The following MPRIP variants were observed in gnomAD, a reference collection of about 807,000 sequenced individuals.
MPRIP encodes the protein myosin phosphatase Rho interacting protein, also known as myosin phosphatase Rho-interacting protein.
Under a neutral mutation model 234.9 loss-of-function variants are expected in MPRIP, and 59 were observed. That is an observed-to-expected ratio of 0.25 (90% CI 0.20 to 0.31). The LOEUF (loss-of-function observed/expected upper bound fraction) is 0.31, where lower values mean the gene tolerates loss of function less well. Ranked by LOEUF, MPRIP falls within the 10% of genes least tolerant of loss-of-function variation. The pLI is 1.00. For synonymous variants in MPRIP, 1,144 were observed against 1,263.9 expected, an observed-to-expected ratio of 0.91 and a Z score of 2.01; for missense variants, 2,436 against 3,071.0, an observed-to-expected ratio of 0.79 and a Z score of 4.89.
rs1292962506 is a variant in MPRIP at position 17,158,659 on chromosome 17, C to A, written c.2057C>A (p.Thr686Asn). The A allele has an allele frequency of 6.2e-7, 1 of 1,604,286 alleles. No individual in the cohort carries two copies. The highest frequency in any genetic ancestry group is 1.1e-5 in the South Asian group (1 of 90,520). The change falls in exon 14 of 24, where the codon ACC (threonine) becomes AAC (asparagine). Residue 686 changes from threonine (T) to asparagine (N), a missense_variant. Physicochemically the swap from Thr to Asn is moderately conservative, Grantham distance 65. This residue lies in a region of MPRIP where 1,998 missense variants were observed against 2,520.3 expected (regional missense o/e 0.79). Transcript: ENST00000651222. ...ERVGGVGPAD[T>N]HEPLRPEAEP... ...GTGGGCGGCGTGGGGCCTGCTGACACCCACGAGCCCCTGCGCCCTGAGGCG... is the reference window on the plus strand; with the variant it reads ...GTGGGCGGCGTGGGGCCTGCTGACAACCACGAGCCCCTGCGCCCTGAGGCG...
At position 17,166,683 on chromosome 17, in the gene MPRIP, C is replaced by G; in HGVS notation, c.5092C>G (p.Gln1698Glu). 7.7e-7 allele frequency: 1 copy of G among 1,303,844 alleles called. No homozygotes were observed. The highest frequency in any genetic ancestry group is 1.2e-5 in the South Asian group (1 of 80,986). The allele number at this position is 1,303,844 out of a possible 1,614,324, so 80.8% of individuals were successfully genotyped here. A position where few individuals can be genotyped will look rare whatever the true frequency, so the allele number is the denominator to read the frequency against. ...CATCCAGGAGACCCTGCGGGGCACC[C>G]AGACGGCCCTGCGGCAGCACAAATG... is the stretch of plus-strand genomic sequence containing the variant. ...QSIQETLRGT[Q>E]TALRQHKCLL... The change falls in exon 16 of 24, where the codon CAG becomes GAG. Residue 1698 changes from glutamine to glutamate, a missense_variant. By Grantham distance (29) the Gln-to-Glu change is conservative. Transcript: ENST00000651222. The surrounding 1 kb of genome is among the most constrained non-coding windows in gnomAD (Gnocchi z 4.4).
chr17:17,176,403 C>T (rs889166010), intron 20 of MPRIP, 23 bp from the exon 21 acceptor site: 1 of 1,586,864 alleles, frequency 6.3e-7, no homozygotes, highest in Non-Finnish European at 8.7e-7. Context: ...GAATATTGGT[C>T]CCTGATCTCT....
In MPRIP at chr17:17,088,182, G is replaced by A. The variant is rs62064384; in HGVS notation, c.267+10106G>A. On this transcript the variant is annotated intron_variant, in intron 3 of 23. Transcript: ENST00000651222. ...AGTGATGGAAGGTGATGGGAGCGGC[G>A]AGAGCTGTCGTGAGGGTAAAGGGGT... Among the ~76,000 whole-genome samples, 389 of 152,338 alleles carry A rather than the reference G, an allele frequency of 2.6e-3. 1 individual carries two copies. The highest frequency in any genetic ancestry group is 6.8e-3 in the Middle Eastern group (2 of 294).
At position 17,046,303 on chromosome 17, in the gene MPRIP, G is replaced by A. The variant is rs142049914; in HGVS notation, c.123+3332G>A. Among the ~76,000 whole-genome samples, 462 of 152,268 alleles carry A rather than the reference G, an allele frequency of 3.0e-3. 14 individuals are homozygous for A. Among genetic ancestry groups the A allele is most frequent in the Admixed American group, 0.027 (412 of 15,290 alleles). On this transcript the variant is annotated intron_variant, in intron 1 of 23. Coordinates refer to ENST00000651222, the MANE Select transcript of MPRIP (RefSeq NM_001364716.4). ...CGTTTCCTTATTGATAGACATCAAG[G>A]TTGCTTATGGGTTTTGCTGTTACAT... is the stretch of plus-strand genomic sequence containing the variant.
intron 3 of MPRIP, among the ~76,000 whole-genome samples, chr17:17,120,290 A>G (rs992539798): frequency 6.6e-6 from 1 of 152,104 alleles, no homozygotes; most frequent in Non-Finnish European, 1.5e-5. Context: ...AACAAGAAAC[A>G]AAGGCCTGTT....
At chr17:17,075,610 A>G (rs1028848313) in intron 1 of MPRIP, 100 bp from the exon 2 acceptor site, 1 of 998,134 alleles carries the variant, frequency 1.0e-6, no homozygotes, top group Non-Finnish European at 1.6e-6. Flanking sequence ...TGCAGAGCAG[A>G]GGCAACATCT....
At chr17:17,173,223 C>G (rs1277520360) in intron 18 of MPRIP, among the ~76,000 whole-genome samples, 2 of 152,278 alleles carry the variant, frequency 1.3e-5, no homozygotes, top group African/African-American at 4.8e-5. Context: ...TCCCTCTGCA[C>G]AGGCAGGATA....
At chr17:17,113,611 G>A (rs1369505730) in intron 3 of MPRIP, among the ~76,000 whole-genome samples, 1 of 152,206 alleles carries the variant, frequency 6.6e-6, no homozygotes, top group Non-Finnish European at 1.5e-5. Context: ...GTACGTGGGT[G>A]TACAAATATC....
At chr17:17,161,710 T>G (rs1234211028) in intron 15 of MPRIP, among the ~76,000 whole-genome samples, 3 of 152,248 alleles carry the variant, frequency 2.0e-5, no homozygotes, top group Non-Finnish European at 4.4e-5. Context: ...TAGTTTTCAC[T>G]ATAGTAATAT....
Position 17,158,815 on chromosome 17 carries a change from C to T in MPRIP, c.2213C>T (p.Pro738Leu). The T allele has an allele frequency of 2.5e-6, 4 of 1,611,654 alleles. No homozygotes were observed. The highest frequency in any genetic ancestry group is 3.4e-6 in the Non-Finnish European group (4 of 1,179,920). ...AALRMEVDRS[P>L]GLPMSDLKTH... The stretch of plus-strand genomic sequence containing the variant: ...CTGCGCATGGAGGTGGACCGGAGCC[C>T]AGGGCTGCCTATGAGCGACCTCAAA... Residue 738 changes from proline to leucine, a missense_variant, in exon 14 of 24, where the codon CCA becomes CTA. Pro to Leu is a moderately conservative substitution (Grantham distance 98). This residue lies in a region of MPRIP where 1,998 missense variants were observed against 2,520.3 expected (regional missense o/e 0.79). Transcript: ENST00000651222.
At chr17:17,072,111 G>A (rs1234796658) in intron 1 of MPRIP, among the ~76,000 whole-genome samples, 4 of 152,188 alleles carry the variant, frequency 2.6e-5, no homozygotes, top group East Asian at 1.9e-4. Flanking sequence ...CCAGGTGGGC[G>A]TGCGTGGGAG....
intron 3 of MPRIP, among the ~76,000 whole-genome samples, chr17:17,099,080 CTTCTT>C (rs201709631): frequency 0.017 from 2,634 of 152,232 alleles, 41 homozygotes; most frequent in Non-Finnish European, 0.027. Context: ...GTGCAAAAGG[CTTCTT>C]TTCTTTCATT....
chr17:17,154,466 C>T, intron 13 of MPRIP, 51 bp downstream of exon 13: 1 of 1,511,094 alleles, frequency 6.6e-7, no homozygotes, highest in East Asian at 2.3e-5. Flanking sequence ...GTGGGTGCCA[C>T]TCCCGCCAGG....
intron 13 of MPRIP, among the ~76,000 whole-genome samples, chr17:17,158,004 A>C (rs1173026869): frequency 6.6e-6 from 1 of 152,084 alleles, no homozygotes; most frequent in Non-Finnish European, 1.5e-5. Flanking sequence ...AGCCTAATGT[A>C]GTTCTTGGCC....
In MPRIP at chr17:17,056,145, C is replaced by T. The variant is rs7211554; in HGVS notation, c.123+13174C>T. Among the ~76,000 whole-genome samples, 277 of 152,286 alleles carry T rather than the reference C, an allele frequency of 1.8e-3. 1 individual carries two copies. The highest frequency in any genetic ancestry group is 6.2e-3 in the African/African-American group (258 of 41,560). On this transcript the variant is annotated intron_variant, in intron 1 of 23. Transcript: ENST00000651222. ...GCGGGGCTGACCACCTTGGCATGTG[C>T]GGGGAAGGGTGGGGCTGACCTCATT... is the stretch of plus-strand genomic sequence containing the variant.
At chr17:17,083,066 C>G (rs1224927745) in intron 3 of MPRIP, among the ~76,000 whole-genome samples, 1 of 152,198 alleles carries the variant, frequency 6.6e-6, no homozygotes, top group African/African-American at 2.4e-5. Flanking sequence ...GGGCCGGCCT[C>G]CATGGTGTGG....
At position 17,142,833 on chromosome 17, in the gene MPRIP, C is replaced by T. The variant is rs1209002349; in HGVS notation, c.1389+68C>T. On this transcript the variant is annotated intron_variant, in intron 8 of 23. Transcript: ENST00000651222. ...GGCGGGTCAGCATGCACCCCATGCGCCAAGTCCCCTCCACACAGGCCTGGG... is the reference window on the plus strand; with the variant it reads ...GGCGGGTCAGCATGCACCCCATGCGTCAAGTCCCCTCCACACAGGCCTGGG... 4 of 1,548,820 alleles carry T rather than the reference C, an allele frequency of 2.6e-6. No homozygotes were observed. In the East Asian group the frequency reaches 9.0e-5, roughly 35 times the overall value.
At chr17:17,107,928 G>A (rs1403139696) in intron 3 of MPRIP, among the ~76,000 whole-genome samples, 2 of 152,180 alleles carry the variant, frequency 1.3e-5, no homozygotes, top group Admixed American at 6.5e-5. Flanking sequence ...CCCGCTTAGG[G>A]CCAGGGCTGC....
intron 7 of MPRIP, 75 bp from the exon 8 acceptor site, chr17:17,142,552 A>G: frequency 6.5e-7 from 1 of 1,548,082 alleles, no homozygotes; most frequent in Non-Finnish European, 8.8e-7. Context: ...CAGGCCGGGC[A>G]TGGGAGGAGT....
Sources: allele counts gnomAD v4.1 joint callset (sites outside exome capture counted in the v4.1 genomes callset), GRCh38; gene constraint gnomAD v4.1.1; regional missense constraint gnomAD v4.1.1; non-coding constraint Gnocchi (gnomAD v3.1); transcripts MANE v1.5; gene names NCBI Gene and HGNC (gene_info 2026-07-23, HGNC 2026-07-21).